Variants in LHFPL3 observed in about 807,000 individuals in gnomAD.
The protein encoded by LHFPL3 is LHFPL tetraspan subfamily member 3.
LHFPL3 carries 5 observed loss-of-function variants against 19.3 expected under a neutral mutation model. The ratio of observed to expected loss-of-function variants is 0.26; its 90% CI spans 0.14 to 0.54. The LOEUF (loss-of-function observed/expected upper bound fraction) is 0.54. Ranked by LOEUF, LHFPL3 falls within the 20% of genes least tolerant of loss-of-function variation. The pLI is 0.94. For missense variants in LHFPL3, 249 were observed against 307.4 expected, an observed-to-expected ratio of 0.81 and a Z score of 1.42; for synonymous variants, 133 against 126.2, an observed-to-expected ratio of 1.05 and a Z score of -0.36.
intron 1 of LHFPL3, among the ~76,000 whole-genome samples, chr7:104,456,045 G>A (rs1156751661): frequency 6.6e-6 from 1 of 152,140 alleles, no homozygotes; most frequent in Non-Finnish European, 1.5e-5. Flanking sequence ...AGTGTATGAG[G>A]TCATACAGTT....
intron 1 of LHFPL3, among the ~76,000 whole-genome samples, chr7:104,701,777 A>G (rs1487957431): frequency 6.6e-6 from 1 of 152,218 alleles, no homozygotes; most frequent in African/African-American, 2.4e-5. Context: ...CCTACTCAGC[A>G]TCTAATGAAT....
intron 1 of LHFPL3, among the ~76,000 whole-genome samples, chr7:104,365,199 TGAGGCAGGAGAATTGCTTGAACCTGA>T (rs1476572584): frequency 1.3e-5 from 2 of 152,058 alleles, no homozygotes; most frequent in Non-Finnish European, 2.9e-5. Context: ...TTCTAGAGGC[TGAGGCAGGAGAATTGCTTGAACCTGA>T]GAGGCAGAGG....
intron 1 of LHFPL3, among the ~76,000 whole-genome samples, chr7:104,488,541 C>G (rs2188173): frequency 0.52 from 78,466 of 151,968 alleles, 21,152 homozygotes; most frequent in Middle Eastern, 0.63. Context: ...CTCTCTCTCT[C>G]TCTCTCTCAT....
intron 1 of LHFPL3, among the ~76,000 whole-genome samples, chr7:104,491,173 A>T (rs1319539419): frequency 6.6e-6 from 1 of 152,156 alleles, no homozygotes. Flanking sequence ...ACTGTGTTGC[A>T]TTTAAATCTT....
At chr7:104,668,006 C>T (rs1792391909) in intron 1 of LHFPL3, 1 of 1,613,538 alleles carries the variant, frequency 6.2e-7, no homozygotes, top group African/African-American at 1.3e-5. Flanking sequence ...CCAATATCGA[C>T]CGGAGCCGTC....
chr7:104,876,266 C>A (rs1385039941), intron 2 of LHFPL3, among the ~76,000 whole-genome samples: 20 of 152,060 alleles, frequency 1.3e-4, no homozygotes, highest in Non-Finnish European at 1.9e-4. Context: ...CAACAAAAGC[C>A]AAAATTGACA....
intron 1 of LHFPL3, among the ~76,000 whole-genome samples, chr7:104,663,760 A>C (rs1792275377): frequency 6.6e-6 from 1 of 152,232 alleles, no homozygotes; most frequent in Non-Finnish European, 1.5e-5. Flanking sequence ...TTACAGAGAC[A>C]AATTTATGTT....
intron 1 of LHFPL3, among the ~76,000 whole-genome samples, chr7:104,517,024 T>C (rs946781055): frequency 6.6e-6 from 1 of 152,140 alleles, no homozygotes; most frequent in Non-Finnish European, 1.5e-5. Context: ...TCAATATCCT[T>C]AGCGGACTAA....
chr7:104,675,416 C>T (rs973233129), intron 1 of LHFPL3, among the ~76,000 whole-genome samples: 6 of 152,278 alleles, frequency 3.9e-5, no homozygotes, highest in Middle Eastern at 3.4e-3. Flanking sequence ...CCTTCCCTGC[C>T]ACTCCTTTGG....
intron 1 of LHFPL3, among the ~76,000 whole-genome samples, chr7:104,378,623 TG>T (rs1790762635): frequency 6.6e-6 from 1 of 152,232 alleles, no homozygotes; most frequent in South Asian, 2.1e-4. Flanking sequence ...ATGGTTGTAC[TG>T]TATGAGAGTT....
intron 1 of LHFPL3, among the ~76,000 whole-genome samples, chr7:104,714,984 CAG>C (rs138444744): frequency 3.8e-4 from 56 of 148,880 alleles, no homozygotes; most frequent in Middle Eastern, 3.5e-3. Context: ...TGTATATACA[CAG>C]AGAGAGAGAG....
intron 1 of LHFPL3, among the ~76,000 whole-genome samples, chr7:104,606,241 T>A (rs1390821023): frequency 6.6e-6 from 1 of 152,200 alleles, no homozygotes; most frequent in Non-Finnish European, 1.5e-5. Flanking sequence ...CATGCACCTT[T>A]ATTGATTGGA....
intron 1 of LHFPL3, among the ~76,000 whole-genome samples, chr7:104,364,777 C>T (rs1378113634): frequency 6.6e-6 from 1 of 152,206 alleles, no homozygotes; most frequent in Non-Finnish European, 1.5e-5. Context: ...GTCATTTAAC[C>T]CTGTTTTCTT....
chr7:104,486,852 A>C (rs1793246882), intron 1 of LHFPL3, among the ~76,000 whole-genome samples: 1 of 151,576 alleles, frequency 6.6e-6, no homozygotes, highest in Non-Finnish European at 1.5e-5. Flanking sequence ...TTTATTTTTC[A>C]GTCTTTCTTA....
chr7:104,419,744 G>A (rs1014094618), intron 1 of LHFPL3, among the ~76,000 whole-genome samples: 19 of 152,150 alleles, frequency 1.2e-4, no homozygotes, highest in South Asian at 4.1e-4. Flanking sequence ...GTCATTGGAC[G>A]TATGGTTTAG....
intron 1 of LHFPL3, among the ~76,000 whole-genome samples, chr7:104,650,220 G>A (rs1286604750): frequency 2.0e-5 from 3 of 152,216 alleles, no homozygotes; most frequent in Non-Finnish European, 4.4e-5. Flanking sequence ...GAAATAGTAT[G>A]TAGGCAGAGA....
chr7:104,782,369 A>C (rs1331023425), intron 2 of LHFPL3, among the ~76,000 whole-genome samples: 1 of 152,214 alleles, frequency 6.6e-6, no homozygotes, highest in East Asian at 1.9e-4. Flanking sequence ...CTTCCGCCTT[A>C]TTCCATTGAT....
In LHFPL3 at chr7:104,514,267, C is replaced by G. The variant is rs139505339; in HGVS notation, c.445+185043C>G. Among the ~76,000 whole-genome samples, 3 of 152,258 alleles carry G rather than the reference C, an allele frequency of 2.0e-5. No homozygotes were observed. In the East Asian group the frequency reaches 5.8e-4, roughly 29 times the overall value. ...TTGCCTAATAAATCTTCTACTTCAT[C>G]AGATCTCATTCAGCCTTCACTTTTT... On this transcript the variant is annotated intron_variant, in intron 1 of 2. Transcript: ENST00000424859.
intron 1 of LHFPL3, among the ~76,000 whole-genome samples, chr7:104,579,068 C>T (rs1010711179): frequency 6.6e-6 from 1 of 152,148 alleles, no homozygotes; most frequent in African/African-American, 2.4e-5. Flanking sequence ...TATGTTGCCC[C>T]ATTTTCTTAA....
Sources: gnomAD v4.1 joint callset for allele counts (sites outside exome capture counted in the v4.1 genomes callset) on GRCh38, gnomAD v4.1.1 for gene constraint, MANE v1.5 for transcripts, NCBI Gene and HGNC (gene_info 2026-07-23, HGNC 2026-07-21) for gene names.